ARNT2: variants seen among roughly 807,000 people sequenced by gnomAD.
ARNT2 encodes ARNT protein 2.
ARNT2 carries 36 observed loss-of-function variants against 91.7 expected under a neutral mutation model. That is an observed-to-expected ratio of 0.39 (90% CI 0.30 to 0.52). ARNT2 has a LOEUF of 0.52. Among genes scored for constraint, ARNT2 ranks in the 20% least tolerant of loss-of-function variants. ARNT2 has a pLI of 0.72. For missense variants in ARNT2, 775 were observed against 939.3 expected (o/e 0.83, Z 2.29); for synonymous variants, 365 against 347.1 (o/e 1.05, Z -0.57).
chr15:80,455,031 TA>T (rs1413160812), intron 2 of ARNT2, among the ~76,000 whole-genome samples: 5 of 152,202 alleles, frequency 3.3e-5, no homozygotes, highest in African/African-American at 1.2e-4. Flanking sequence ...TGCTGCTGTG[TA>T]ATAGAGACAC....
At chr15:80,588,179 G>A (rs1442091660) in intron 17 of ARNT2, among the ~76,000 whole-genome samples, 2 of 152,108 alleles carry the variant, frequency 1.3e-5, no homozygotes, top group African/African-American at 4.8e-5. Flanking sequence ...ACCACCAGAA[G>A]TGCAAGTTTA....
chr15:80,452,004 C>T (rs1208318884), intron 2 of ARNT2, among the ~76,000 whole-genome samples: 1 of 152,228 alleles, frequency 6.6e-6, no homozygotes, highest in Non-Finnish European at 1.5e-5. Flanking sequence ...AGCCCAAGGC[C>T]TGCAGGGTGT....
intron 15 of ARNT2, among the ~76,000 whole-genome samples, chr15:80,577,877 C>G (rs956526484): frequency 8.5e-5 from 13 of 152,240 alleles, no homozygotes; most frequent in Non-Finnish European, 1.8e-4. Context: ...GAATTGCACA[C>G]TGCTCTGAGG....
intron 12 of ARNT2, among the ~76,000 whole-genome samples, chr15:80,568,766 C>T (rs1048483866): frequency 4.6e-5 from 7 of 152,228 alleles, no homozygotes; most frequent in African/African-American, 9.6e-5. Context: ...GTTCTACCTG[C>T]GATTCTCTCT....
chr15:80,482,737 T>G (rs962350584), intron 5 of ARNT2, among the ~76,000 whole-genome samples: 4 of 152,118 alleles, frequency 2.6e-5, no homozygotes, highest in Non-Finnish European at 5.9e-5. Context: ...AGTGGAGCAC[T>G]TCTCAAAGTG....
intron 1 of ARNT2, among the ~76,000 whole-genome samples, chr15:80,440,754 C>A (rs1002664149): frequency 6.6e-6 from 1 of 152,196 alleles, no homozygotes; most frequent in Non-Finnish European, 1.5e-5. Context: ...AGGACCTGGC[C>A]TCTTCTTGCT....
intron 1 of ARNT2, among the ~76,000 whole-genome samples, chr15:80,423,146 A>C (rs920744127): frequency 1.3e-5 from 2 of 152,202 alleles, no homozygotes; most frequent in African/African-American, 4.8e-5. Flanking sequence ...TAATAATAAT[A>C]ATGATATCCA....
At chr15:80,412,618 A>C (rs1204352443) in intron 1 of ARNT2, among the ~76,000 whole-genome samples, 2 of 152,238 alleles carry the variant, frequency 1.3e-5, no homozygotes, top group South Asian at 2.1e-4. Context: ...GAGAAGCTGC[A>C]TATATTCTGT....
intron 11 of ARNT2, chr15:80,555,958 C>G (rs1898177376): frequency 6.6e-6 from 1 of 151,100 alleles, no homozygotes; most frequent in Non-Finnish European, 1.5e-5. Context: ...GAGTGAGACT[C>G]TGTCTCACTC....
intron 17 of ARNT2, among the ~76,000 whole-genome samples, chr15:80,584,015 T>C (rs1898845349): frequency 6.6e-6 from 1 of 152,210 alleles, no homozygotes; most frequent in Non-Finnish European, 1.5e-5. Flanking sequence ...ATGTGTTACC[T>C]TTGGCCACAG....
At chr15:80,508,309 T>C in intron 6 of ARNT2, 51 bp downstream of exon 6, 1 of 1,580,482 alleles carries the variant, frequency 6.3e-7, no homozygotes, top group Non-Finnish European at 8.7e-7. Flanking sequence ...TGCTCCTTTT[T>C]CTGTCACCGT....
chr15:80,406,868 G>A lies in ARNT2; in HGVS notation c.31+2322G>A, dbSNP rs139675681. On this transcript the variant is annotated intron_variant, in intron 1 of 18. Transcript: ENST00000303329. ...TTTACTGGTCCCCTGAGGATGATCCGTGGGGATGTGTTATTATTGCCCCAT... is the reference window on the plus strand; with the variant it reads ...TTTACTGGTCCCCTGAGGATGATCCATGGGGATGTGTTATTATTGCCCCAT... 5.5e-4 allele frequency among the ~76,000 whole-genome samples: 84 copies of A among 152,278 alleles called. 1 individual carries two copies. Among genetic ancestry groups the A allele is most frequent in the Non-Finnish European group, 9.0e-4 (61 of 68,016 alleles).
Position 80,404,657 on chromosome 15 carries a change from G to C in ARNT2, c.31+111G>C. Reference sequence around the variant, plus strand: ...CGGGGGCGCGGAGCCGCAGCTCGGCGCGGTGGGTGGTGGAGCGGCTGTCAC... The same window carrying C: ...CGGGGGCGCGGAGCCGCAGCTCGGCCCGGTGGGTGGTGGAGCGGCTGTCAC... On this transcript the variant is annotated intron_variant, in intron 1 of 18. Coordinates refer to ENST00000303329, the MANE Select transcript of ARNT2 (RefSeq NM_014862.4). This position sits in a 1 kb window ranked among gnomAD's most constrained non-coding sequence, Gnocchi z 5.5. 1 of 703,312 alleles carries C rather than the reference G, an allele frequency of 1.4e-6. No homozygotes were observed. Among genetic ancestry groups the C allele is most frequent in the African/African-American group, 1.9e-5 (1 of 51,604 alleles). The allele number at this position is 703,312 out of a possible 1,614,324, so 43.6% of individuals were successfully genotyped here. A position where few individuals can be genotyped will look rare whatever the true frequency, so the allele number is the denominator to read the frequency against.
intron 15 of ARNT2, among the ~76,000 whole-genome samples, chr15:80,577,847 G>A (rs1315754153): frequency 1.3e-5 from 2 of 152,224 alleles, no homozygotes; most frequent in Non-Finnish European, 2.9e-5. Flanking sequence ...CTCTGGCCAC[G>A]CCTGCAGCTG....
At chr15:80,571,153 G>T (rs1037796165) in intron 12 of ARNT2, among the ~76,000 whole-genome samples, 2 of 152,188 alleles carry the variant, frequency 1.3e-5, no homozygotes, top group African/African-American at 4.8e-5. Context: ...AGCTCCTTAG[G>T]GGTCAGGCTT....
intron 3 of ARNT2, among the ~76,000 whole-genome samples, chr15:80,465,088 G>A (rs573102494): frequency 6.6e-6 from 1 of 152,336 alleles, no homozygotes; most frequent in South Asian, 2.1e-4. Context: ...CTTTGCTTGA[G>A]AAGTGCTGAA....
chr15:80,547,794 GT>G (rs1016621082), intron 8 of ARNT2, among the ~76,000 whole-genome samples: 3 of 151,876 alleles, frequency 2.0e-5, no homozygotes, highest in African/African-American at 4.8e-5. Flanking sequence ...AACAAGTGCA[GT>G]TTTTTTTAAT....
chr15:80,511,313 G>A (rs868668120), intron 6 of ARNT2, among the ~76,000 whole-genome samples: 6 of 152,172 alleles, frequency 3.9e-5, no homozygotes, highest in African/African-American at 1.4e-4. Flanking sequence ...ACTTACAAGT[G>A]AGAGCTAATG....
At chr15:80,552,332 G>A (rs1467483031) in intron 9 of ARNT2, among the ~76,000 whole-genome samples, 1 of 152,170 alleles carries the variant, frequency 6.6e-6, no homozygotes, top group African/African-American at 2.4e-5. Flanking sequence ...GCACCAACTT[G>A]AGCAAATGCC....
Sources: allele counts gnomAD v4.1 joint callset (sites outside exome capture counted in the v4.1 genomes callset), GRCh38; gene constraint gnomAD v4.1.1; non-coding constraint Gnocchi (gnomAD v3.1); transcripts MANE v1.5; gene names NCBI Gene and HGNC (gene_info 2026-07-23, HGNC 2026-07-21).